Variants in LRTM3 observed in about 807,000 individuals in gnomAD.
The protein encoded by LRTM3 is leucine rich repeat transmembrane protein 3.
chr13:102,745,755 A>C, the LRTM3 span: 2 of 1,551,216 alleles, frequency 1.3e-6, no homozygotes, highest in Non-Finnish European at 1.7e-6. Context: ...CTTGCATAAA[A>C]TATGATTTCA....
At chr13:102,743,938 C>T in the LRTM3 span, 4 of 1,550,478 alleles carry the variant, frequency 2.6e-6, no homozygotes, top group South Asian at 4.8e-5. Context: ...TTTCTTGTAC[C>T]TCTTCCTTTT....
At chr13:102,747,013 C>T in the LRTM3 span, 4 of 1,551,190 alleles carry the variant, frequency 2.6e-6, no homozygotes, top group Middle Eastern at 5.0e-4. Flanking sequence ...TTTTAATCTC[C>T]TTCTCTAGAT....
chr13:102,731,979 C>G, the LRTM3 span: 3 of 1,551,168 alleles, frequency 1.9e-6, no homozygotes, highest in East Asian at 2.4e-5. Flanking sequence ...TTTGTTTGTG[C>G]CTTTAAGTAT....
the LRTM3 span, chr13:102,746,317 C>A: frequency 1.3e-6 from 2 of 1,550,852 alleles, no homozygotes; most frequent in African/African-American, 1.4e-5. Context: ...TTCCATCTTG[C>A]AATTTTTCCT....
At chr13:102,732,395 T>G in the LRTM3 span, 2 of 1,551,406 alleles carry the variant, frequency 1.3e-6, no homozygotes, top group Non-Finnish European at 1.7e-6. Context: ...TGGGTGATTC[T>G]GGATTTTCAT....
At chr13:102,745,674 C>T in the LRTM3 span, 7 of 1,550,908 alleles carry the variant, frequency 4.5e-6, no homozygotes, top group South Asian at 1.2e-5. Context: ...CCAAAAATCG[C>T]TGTCTCTTTC....
At chr13:102,745,990 G>A in the LRTM3 span, 24 of 1,550,990 alleles carry the variant, frequency 1.5e-5, no homozygotes, top group East Asian at 9.8e-5. Flanking sequence ...TTAAGCCATC[G>A]CTGTTCTCCA....
chr13:102,755,020 G>T, the LRTM3 span, among the ~76,000 whole-genome samples: 1 of 152,134 alleles, frequency 6.6e-6, no homozygotes, highest in African/African-American at 2.4e-5. Flanking sequence ...GCATCTATGG[G>T]TAAGGCCAAC....
At chr13:102,730,673 T>C in the LRTM3 span, 2 of 1,551,990 alleles carry the variant, frequency 1.3e-6, no homozygotes, top group South Asian at 1.2e-5. Context: ...GAAAGAAATA[T>C]GTTGTTCTAA....
chr13:102,750,359 G>T, the LRTM3 span: 1 of 1,514,766 alleles, frequency 6.6e-7, no homozygotes, highest in Non-Finnish European at 8.9e-7. Flanking sequence ...AAGTGATGAA[G>T]TAATTCTTTT....
chr13:102,744,747 C>T, the LRTM3 span: 1 of 1,550,744 alleles, frequency 6.4e-7, no homozygotes. Context: ...TCTTCCCTTT[C>T]ATGTTGTACA....
chr13:102,732,557 G>T, the LRTM3 span: 7 of 1,550,978 alleles, frequency 4.5e-6, no homozygotes, highest in Non-Finnish European at 6.1e-6. Context: ...GCTTTGTTTT[G>T]CATTAGATGC....
the LRTM3 span, chr13:102,743,238 C>T: frequency 6.4e-7 from 1 of 1,550,678 alleles, no homozygotes; most frequent in African/African-American, 1.4e-5. Context: ...GAATACCTTG[C>T]TATCCCTTCA....
the LRTM3 span, chr13:102,735,912 C>G: frequency 2.6e-6 from 4 of 1,541,368 alleles, no homozygotes; most frequent in Non-Finnish European, 3.5e-6. Flanking sequence ...CTTTCCTGTA[C>G]TCCTTCCCCT....
the LRTM3 span, chr13:102,744,626 G>C: frequency 6.4e-7 from 1 of 1,550,678 alleles, no homozygotes; most frequent in South Asian, 1.2e-5. Context: ...GGGACTCTTC[G>C]GTTCAGATCC....
chr13:102,736,376 C>T, the LRTM3 span: 2 of 1,551,042 alleles, frequency 1.3e-6, no homozygotes, highest in Non-Finnish European at 8.7e-7. Context: ...GAAAACGGCA[C>T]CATTGGGGTG....
chr13:102,742,663 A>G, the LRTM3 span: 1 of 1,550,714 alleles, frequency 6.4e-7, no homozygotes, highest in Admixed American at 2.0e-5. Flanking sequence ...AACCTGCAGT[A>G]TCAGGTGATT....
the LRTM3 span, chr13:102,750,061 A>G: frequency 6.4e-7 from 1 of 1,550,468 alleles, no homozygotes; most frequent in Non-Finnish European, 8.7e-7. Flanking sequence ...TAAGATCAGA[A>G]GAAAATCCTG....
chr13:102,748,613 G>T, the LRTM3 span: 1 of 1,550,568 alleles, frequency 6.4e-7, no homozygotes, highest in African/African-American at 1.4e-5. Context: ...CATAGGTTTT[G>T]ATATAGCTTC....
Sources: allele counts gnomAD v4.1 joint callset (sites outside exome capture counted in the v4.1 genomes callset), GRCh38; gene constraint gnomAD v4.1.1; transcripts MANE v1.5; gene names NCBI Gene and HGNC (gene_info 2026-07-23, HGNC 2026-07-21).